Variants in FIP1L1 observed in about 807,000 individuals in gnomAD.
FIP1L1 encodes pre-mRNA 3'-end-processing factor FIP1.
Under a neutral mutation model 84.6 loss-of-function variants are expected in FIP1L1, and 21 were observed. That is an observed-to-expected ratio of 0.25 (90% CI 0.18 to 0.36). The LOEUF (loss-of-function observed/expected upper bound fraction) is 0.36, where lower values mean the gene tolerates loss of function less well. Among genes scored for constraint, FIP1L1 ranks in the 10% least tolerant of loss-of-function variants. FIP1L1 has a pLI of 1.00. For synonymous variants in FIP1L1, 263 were observed against 242.3 expected (o/e 1.09, Z -0.80); for missense variants, 526 against 751.1 (o/e 0.70, Z 3.50).
In FIP1L1 at chr4:53,390,524, C is replaced by A; in HGVS notation, c.401C>A (p.Thr134Lys). Residue 134 changes from threonine to lysine, a missense_variant, in exon 7 of 18, where the codon ACA becomes AAA. Physicochemically the swap from Thr to Lys is moderately conservative, Grantham distance 78 (BLOSUM62 -1). Coordinates refer to ENST00000337488, the MANE Select transcript of FIP1L1 (RefSeq NM_030917.4). Reference sequence around the variant, plus strand: ...ATTTTGTAATTTTATAAAACAGGGACAAAAGTCAAAGGAGTAGACCTTGAT... The same window carrying A: ...ATTTTGTAATTTTATAAAACAGGGAAAAAAGTCAAAGGAGTAGACCTTGAT... Reference protein sequence around the residue: ...TGGRVYGTTGTKVKGVDLDAP... With the variant: ...TGGRVYGTTGKKVKGVDLDAP... 1.2e-6 allele frequency: 2 copies of A among 1,602,532 alleles called. No individual in the cohort carries two copies. The highest frequency in any genetic ancestry group is 1.7e-6 in the Non-Finnish European group (2 of 1,171,810).
At chr4:53,421,279 G>T (rs1034701288) in intron 11 of FIP1L1, among the ~76,000 whole-genome samples, 2 of 152,042 alleles carry the variant, frequency 1.3e-5, no homozygotes, top group African/African-American at 4.8e-5. Flanking sequence ...TACATTTTCT[G>T]CCTCTTTGAA....
chr4:53,419,731 C>T (rs1761328200), intron 11 of FIP1L1, among the ~76,000 whole-genome samples: 2 of 152,132 alleles, frequency 1.3e-5, no homozygotes, highest in East Asian at 3.9e-4. Flanking sequence ...AGGTGTGAGC[C>T]ACTATGCCGG....
intron 13 of FIP1L1, 104 bp from the exon 14 acceptor site, chr4:53,442,549 A>C: frequency 1.3e-6 from 1 of 749,684 alleles, no homozygotes; most frequent in East Asian, 2.5e-5. Flanking sequence ...AGAGAAGCAC[A>C]TTCATATCCC....
intron 17 of FIP1L1, 65 bp downstream of exon 17, chr4:53,458,855 C>A: frequency 1.3e-6 from 2 of 1,531,522 alleles, no homozygotes; most frequent in South Asian, 1.3e-5. Flanking sequence ...TACATTGTCG[C>A]ATTGGAAGAG....
intron 15 of FIP1L1, among the ~76,000 whole-genome samples, chr4:53,451,262 C>T (rs1232392147): frequency 5.9e-5 from 9 of 151,532 alleles, no homozygotes; most frequent in African/African-American, 1.2e-4. Flanking sequence ...TGAACCACCG[C>T]GCCCAGCCTG....
intron 13 of FIP1L1, among the ~76,000 whole-genome samples, chr4:53,439,663 A>G (rs1366408223): frequency 3.9e-5 from 6 of 152,034 alleles, no homozygotes; most frequent in African/African-American, 9.7e-5. Context: ...TATTTATGGT[A>G]TACAACTTTT....
intron 10 of FIP1L1, among the ~76,000 whole-genome samples, chr4:53,403,090 T>C (rs1355315217): frequency 2.0e-5 from 3 of 152,104 alleles, no homozygotes; most frequent in African/African-American, 7.2e-5. Flanking sequence ...CTGAAATAGT[T>C]TTTTGGAGTT....
intron 5 of FIP1L1, among the ~76,000 whole-genome samples, 187 bp downstream of exon 5, chr4:53,384,063 G>A (rs1194103964): frequency 2.0e-5 from 3 of 152,124 alleles, no homozygotes; most frequent in Non-Finnish European, 2.9e-5. Context: ...TTAGGCGAAG[G>A]TACATAGAAG....
chr4:53,389,689 T>A (rs2149366582), intron 5 of FIP1L1, 120 bp from the exon 6 acceptor site: 3 of 702,662 alleles, frequency 4.3e-6, no homozygotes, highest in African/African-American at 1.9e-5. Flanking sequence ...AAATAAAATG[T>A]GTGTCACACT....
At chr4:53,444,187 T>C in intron 15 of FIP1L1, 84 bp downstream of exon 15, 1 of 896,956 alleles carries the variant, frequency 1.1e-6, no homozygotes, top group Non-Finnish European at 1.9e-6. Context: ...AACGTGTTCA[T>C]GGTTTAACAT....
chr4:53,432,708 G>A (rs1767324411), intron 13 of FIP1L1, among the ~76,000 whole-genome samples: 1 of 152,090 alleles, frequency 6.6e-6, no homozygotes, highest in African/African-American at 2.4e-5. Context: ...CTGAGGAAGC[G>A]GGGACCTAAG....
At chr4:53,407,774 T>G (rs1228390550) in intron 10 of FIP1L1, among the ~76,000 whole-genome samples, 5 of 152,164 alleles carry the variant, frequency 3.3e-5, no homozygotes, top group African/African-American at 1.2e-4. Flanking sequence ...CTTTTGATCT[T>G]TGTTGGTTTA....
chr4:53,456,365 A>G (rs918673012), intron 16 of FIP1L1, among the ~76,000 whole-genome samples: 4 of 152,134 alleles, frequency 2.6e-5, no homozygotes, highest in Admixed American at 1.3e-4. Flanking sequence ...ACCACATTTG[A>G]TATTCAGGTT....
rs1411041674 is a variant in FIP1L1, at chr4:53,428,188, A to G, written c.1174+5A>G. ...CACCTCTGATTCCACCACCGGGTAA[A>G]TAGTAAATAAGACATTTGACTTTGA... On this transcript the variant is annotated splice_donor_5th_base_variant and intron_variant, in intron 13 of 17. Transcript: ENST00000337488. 6.4e-7 allele frequency: 1 copy of G among 1,561,448 alleles called. No individual in the cohort carries two copies. Among genetic ancestry groups the G allele is most frequent in the Non-Finnish European group, 8.7e-7 (1 of 1,150,724 alleles).
At chr4:53,446,377 C>G (rs1774207574) in intron 15 of FIP1L1, among the ~76,000 whole-genome samples, 1 of 152,094 alleles carries the variant, frequency 6.6e-6, no homozygotes. Context: ...ATTTAGTAAA[C>G]CATCAAATGT....
chr4:53,454,864 T>G (rs1231123578), intron 16 of FIP1L1, among the ~76,000 whole-genome samples: 1 of 152,220 alleles, frequency 6.6e-6, no homozygotes, highest in Non-Finnish European at 1.5e-5. Flanking sequence ...CTTCTTCCAG[T>G]ATAAGGCTAT....
intron 16 of FIP1L1, among the ~76,000 whole-genome samples, chr4:53,453,927 C>T (rs1278348589): frequency 6.6e-6 from 1 of 152,122 alleles, no homozygotes; most frequent in Non-Finnish European, 1.5e-5. Context: ...GGAAATTTTA[C>T]ATTTCTTTTT....
intron 10 of FIP1L1, among the ~76,000 whole-genome samples, chr4:53,412,107 A>C (rs1757514046): frequency 6.6e-6 from 1 of 152,138 alleles, no homozygotes; most frequent in South Asian, 2.1e-4. Context: ...AATAACTTCC[A>C]TATACTGTAT....
chr4:53,391,430 GC>G lies in FIP1L1; in HGVS notation c.639del (p.Glu214LysfsTer94). 1 of 1,611,650 alleles carries G rather than the reference GC, an allele frequency of 6.2e-7. No homozygotes were observed. Among genetic ancestry groups the G allele is most frequent in the Non-Finnish European group, 8.5e-7 (1 of 1,177,976 alleles). On this transcript the variant is annotated frameshift_variant and splice_region_variant, in exon 9 of 18. Coordinates refer to ENST00000337488, the MANE Select transcript of FIP1L1 (RefSeq NM_030917.4). LOFTEE classifies it high-confidence loss of function. ...ATGGGGAATATGTTATTTAACTTAG[GC>G]CGAAGACTGTACTATGGAAGTTACA... Reference protein sequence around the residue: ...PVTSTTNKITAEDCTMEVTPG... With the variant: ...PVTSTTNKITXEDCTMEVTPG...
Sources: allele counts gnomAD v4.1 joint callset (sites outside exome capture counted in the v4.1 genomes callset), GRCh38; gene constraint gnomAD v4.1.1; transcripts MANE v1.5; gene names NCBI Gene and HGNC (gene_info 2026-07-23, HGNC 2026-07-21).